APLF: variants seen among roughly 807,000 people sequenced by gnomAD.
APLF encodes aprataxin and PNK-like factor.
Under a neutral mutation model 55.6 loss-of-function variants are expected in APLF, and 61 were observed. The observed-to-expected ratio is 1.10, with a 90% CI of 0.89 to 1.36. The LOEUF is 1.36. Ranked by LOEUF, APLF falls within the 40% of genes most tolerant of loss-of-function variation. The pLI is 0.00. For missense variants in APLF, 611 were observed against 602.5 expected (o/e 1.01, Z -0.15); for synonymous variants, 207 against 214.8 (o/e 0.96, Z 0.32).
chr2:68,567,485 T>G, intron 9 of APLF, 98 bp downstream of exon 9: 1 of 975,290 alleles, frequency 1.0e-6, no homozygotes, highest in Non-Finnish European at 1.5e-6. Context: ...TTAAAATCTC[T>G]GCTTCTGTGA....
chr2:68,545,015 T>G (rs1198806275), intron 7 of APLF, among the ~76,000 whole-genome samples, 172 bp from the exon 8 acceptor site: 3 of 152,190 alleles, frequency 2.0e-5, no homozygotes, highest in African/African-American at 7.2e-5. Flanking sequence ...GTCATCAACT[T>G]TATGTCATCA....
At chr2:68,571,312 G>C (rs1208286742) in intron 9 of APLF, among the ~76,000 whole-genome samples, 1 of 152,088 alleles carries the variant, frequency 6.6e-6, no homozygotes. Context: ...GATCCCATTT[G>C]TCAATTTTGG....
chr2:68,575,363 A>T (rs916227627), intron 9 of APLF, among the ~76,000 whole-genome samples: 2 of 152,210 alleles, frequency 1.3e-5, no homozygotes, highest in African/African-American at 2.4e-5. Flanking sequence ...ATGGCATAGG[A>T]TGAGATCAGA....
At chr2:68,470,038 A>G (rs1170989008) in intron 1 of APLF, among the ~76,000 whole-genome samples, 1 of 152,192 alleles carries the variant, frequency 6.6e-6, no homozygotes, top group African/African-American at 2.4e-5. Flanking sequence ...CAGAGAACAA[A>G]GGACAATGAA....
At chr2:68,545,684 T>G (rs1195361946) in intron 8 of APLF, among the ~76,000 whole-genome samples, 1 of 152,200 alleles carries the variant, frequency 6.6e-6, no homozygotes, top group Non-Finnish European at 1.5e-5. Context: ...CAACTTTTAC[T>G]ACTCCACTAT....
At chr2:68,540,788 A>ATG (rs1670526592) in intron 7 of APLF, among the ~76,000 whole-genome samples, 1 of 124,598 alleles carries the variant, frequency 8.0e-6, no homozygotes, top group African/African-American at 3.3e-5. Flanking sequence ...GTGTGTGTGT[A>ATG]TGTGTGTGTA....
chr2:68,468,295 G>A (rs1232074672), intron 1 of APLF, among the ~76,000 whole-genome samples: 2 of 152,162 alleles, frequency 1.3e-5, no homozygotes. Flanking sequence ...ACGTCTTCTA[G>A]GCTAATTTCT....
At chr2:68,513,732 T>A (rs1669485912) in intron 5 of APLF, 52 bp downstream of exon 5, 1 of 1,583,170 alleles carries the variant, frequency 6.3e-7, no homozygotes, top group Non-Finnish European at 8.6e-7. Flanking sequence ...TTAAACAGAA[T>A]TTGAAAGCTT....
chr2:68,539,004 C>G (rs765749118), intron 7 of APLF, among the ~76,000 whole-genome samples: 18 of 152,136 alleles, frequency 1.2e-4, no homozygotes, highest in Non-Finnish European at 2.6e-4. Flanking sequence ...GCAGGATTTT[C>G]TAGAAGATAG....
chr2:68,474,629 GTTCC>G (rs1020530251), intron 1 of APLF, among the ~76,000 whole-genome samples: 2 of 152,118 alleles, frequency 1.3e-5, no homozygotes, highest in Non-Finnish European at 2.9e-5. Flanking sequence ...TTTTGTATGA[GTTCC>G]TTTCTTTGGT....
intron 6 of APLF, among the ~76,000 whole-genome samples, chr2:68,531,114 C>A (rs975440089): frequency 2.6e-5 from 4 of 152,172 alleles, no homozygotes; most frequent in Non-Finnish European, 1.5e-5. Flanking sequence ...TTTCCTCTTT[C>A]AATTTTTGCT....
intron 6 of APLF, 87 bp from the exon 7 acceptor site, chr2:68,537,785 A>G: frequency 2.1e-6 from 2 of 957,848 alleles, no homozygotes; most frequent in Non-Finnish European, 3.0e-6. Flanking sequence ...TACATTTTGC[A>G]TGGATCTTGT....
chr2:68,491,599 A>C (rs1260301617), intron 2 of APLF, among the ~76,000 whole-genome samples: 2 of 152,238 alleles, frequency 1.3e-5, no homozygotes, highest in Admixed American at 1.3e-4. Flanking sequence ...AAAGGAAAGA[A>C]TAGAGGGATC....
intron 1 of APLF, among the ~76,000 whole-genome samples, chr2:68,472,465 G>A (rs1372399852): frequency 5.9e-5 from 9 of 152,162 alleles, no homozygotes; most frequent in African/African-American, 2.2e-4. Flanking sequence ...TTTATGGTTT[G>A]TAGGGCATGA....
At chr2:68,490,305 C>G in intron 2 of APLF, 44 bp downstream of exon 2, 2 of 1,530,144 alleles carry the variant, frequency 1.3e-6, no homozygotes, top group East Asian at 4.5e-5. Context: ...CATCTCTTAC[C>G]CTTTCAGTTC....
chr2:68,573,008 A>G (rs1671512571), intron 9 of APLF, among the ~76,000 whole-genome samples: 1 of 152,222 alleles, frequency 6.6e-6, no homozygotes, highest in Non-Finnish European at 1.5e-5. Context: ...GAAATATCAG[A>G]AAAACATTTA....
rs145980798 is a variant in APLF at position 68,559,645 on chromosome 2, C to G, written c.1287-7696C>G. Among the ~76,000 whole-genome samples, 315 of 152,242 alleles carry G rather than the reference C, an allele frequency of 2.1e-3. 2 individuals carry two copies. Among genetic ancestry groups the G allele is most frequent in the African/African-American group, 7.4e-3 (308 of 41,558 alleles). On this transcript the variant is annotated intron_variant, in intron 8 of 9. Transcript: ENST00000303795. ...CAGTCTATCAGCAGTCCTTGCCATT[C>G]CAACCTTTAAAATATATTAGGAACC...
chr2:68,495,992 C>T (rs1408986975), intron 2 of APLF, among the ~76,000 whole-genome samples: 1 of 152,274 alleles, frequency 6.6e-6, no homozygotes, highest in African/African-American at 2.4e-5. Context: ...GATCATTCTT[C>T]TCTCTTAGGC....
At chr2:68,545,163 A>G in intron 7 of APLF, 24 bp from the exon 8 acceptor site, 1 of 1,593,298 alleles carries the variant, frequency 6.3e-7, no homozygotes, top group Non-Finnish European at 8.5e-7. Context: ...TTTTTTTCTG[A>G]CAGTATATTT....
Sources: allele counts gnomAD v4.1 joint callset (sites outside exome capture counted in the v4.1 genomes callset), GRCh38; gene constraint gnomAD v4.1.1; transcripts MANE v1.5; gene names NCBI Gene and HGNC (gene_info 2026-07-23, HGNC 2026-07-21).